The following CNTN4 variants were observed in gnomAD, a reference collection of about 807,000 sequenced individuals.
The protein encoded by CNTN4 is contactin-4.
In CNTN4, 77 loss-of-function variants were observed where a neutral mutation model predicts 122.5. The ratio of observed to expected loss-of-function variants is 0.63; its 90% CI spans 0.52 to 0.76. The LOEUF (loss-of-function observed/expected upper bound fraction) is 0.76, where lower values mean the gene tolerates loss of function less well. CNTN4 is among the 30% of genes least tolerant of loss of function. The pLI, the probability that CNTN4 is intolerant of heterozygous loss-of-function variation, is 0.00. For synonymous variants in CNTN4, 512 were observed against 447.0 expected (o/e 1.15, Z -1.83); for missense variants, 1,256 against 1,259.1 (o/e 1.00, Z 0.04).
At chr3:2,624,597 A>T (rs2082111463) in intron 4 of CNTN4, among the ~76,000 whole-genome samples, 1 of 146,824 alleles carries the variant, frequency 6.8e-6, no homozygotes, top group East Asian at 2.0e-4. Flanking sequence ...TGAGATTAAG[A>T]GTCTTGGCTC....
chr3:2,965,111 G>A (rs780284764), intron 13 of CNTN4, among the ~76,000 whole-genome samples: 2 of 152,098 alleles, frequency 1.3e-5, no homozygotes, highest in African/African-American at 4.8e-5. Flanking sequence ...CATTATCTTA[G>A]GTATCATTTT....
intron 14 of CNTN4, among the ~76,000 whole-genome samples, chr3:3,011,496 C>T (rs536109182): frequency 1.1e-4 from 16 of 152,268 alleles, no homozygotes; most frequent in Admixed American, 2.0e-4. Context: ...TTCTAGGGAT[C>T]GTTTTCAAAC....
intron 5 of CNTN4, among the ~76,000 whole-genome samples, chr3:2,740,703 T>C (rs2089411673): frequency 6.6e-6 from 1 of 152,096 alleles, no homozygotes. Flanking sequence ...AACAAATATA[T>C]ATGTCATAGT....
At chr3:2,326,128 G>T (rs776223253) in intron 2 of CNTN4, among the ~76,000 whole-genome samples, 4 of 152,166 alleles carry the variant, frequency 2.6e-5, no homozygotes, top group African/African-American at 9.7e-5. Context: ...AATAAAGCAG[G>T]TTGCTTTCCC....
intron 4 of CNTN4, among the ~76,000 whole-genome samples, chr3:2,617,570 G>T (rs1221935615): frequency 1.3e-5 from 2 of 151,772 alleles, no homozygotes; most frequent in Non-Finnish European, 2.9e-5. Flanking sequence ...ACAGGCACAC[G>T]CCACCATGAC....
chr3:2,230,773 C>T (rs1575130469), intron 2 of CNTN4, among the ~76,000 whole-genome samples: 1 of 151,902 alleles, frequency 6.6e-6, no homozygotes, highest in African/African-American at 2.4e-5. Context: ...TTGCTTGAGC[C>T]CAGGAGTTCG....
intron 3 of CNTN4, among the ~76,000 whole-genome samples, chr3:2,469,179 C>G (rs918666935): frequency 2.6e-5 from 4 of 152,152 alleles, no homozygotes; most frequent in African/African-American, 9.7e-5. Context: ...TCGCTCTTTA[C>G]TAGATTGAGA....
chr3:2,294,049 A>G (rs2042220950), intron 2 of CNTN4, among the ~76,000 whole-genome samples: 1 of 152,178 alleles, frequency 6.6e-6, no homozygotes, highest in Admixed American at 6.5e-5. Flanking sequence ...CATACATCTT[A>G]TCAGCCAGCC....
At chr3:2,843,641 A>C (rs2093403749) in intron 7 of CNTN4, among the ~76,000 whole-genome samples, 1 of 152,056 alleles carries the variant, frequency 6.6e-6, no homozygotes, top group Non-Finnish European at 1.5e-5. Context: ...GTTTAAAAGT[A>C]TGTGGCACCT....
intron 13 of CNTN4, among the ~76,000 whole-genome samples, chr3:2,974,913 T>C (rs1300081361): frequency 6.6e-6 from 1 of 152,252 alleles, no homozygotes; most frequent in Non-Finnish European, 1.5e-5. Context: ...AAACATTTTT[T>C]GTTTCTGGCA....
chr3:2,449,307 A>G (rs1013705454), intron 3 of CNTN4, among the ~76,000 whole-genome samples: 12 of 152,162 alleles, frequency 7.9e-5, no homozygotes, highest in African/African-American at 2.9e-4. Context: ...TAATACTGCA[A>G]TAAACTTAAG....
chr3:2,316,947 C>T (rs1410999659), intron 2 of CNTN4, among the ~76,000 whole-genome samples: 4 of 152,150 alleles, frequency 2.6e-5, no homozygotes, highest in Admixed American at 6.5e-5. Flanking sequence ...ATATTTCTTC[C>T]TCTAATTTCC....
At chr3:3,026,792 T>C (rs544176983) in intron 15 of CNTN4, among the ~76,000 whole-genome samples, 6 of 152,224 alleles carry the variant, frequency 3.9e-5, no homozygotes, top group South Asian at 4.1e-4. Flanking sequence ...TATCTCCAGG[T>C]AATTTGAATT....
chr3:2,368,389 GTC>G (rs1303672982), intron 3 of CNTN4, among the ~76,000 whole-genome samples: 1 of 152,006 alleles, frequency 6.6e-6, no homozygotes, highest in African/African-American at 2.4e-5. Flanking sequence ...GTTTTAGTTA[GTC>G]TGAGTTTATA....
chr3:2,148,941 A>ACT (rs1324868369), intron 2 of CNTN4, among the ~76,000 whole-genome samples: 7 of 106,314 alleles, frequency 6.6e-5, no homozygotes, highest in Non-Finnish European at 1.2e-4. Context: ...TACTACCGTG[A>ACT]CTGTGTGTGT....
intron 2 of CNTN4, among the ~76,000 whole-genome samples, chr3:2,289,796 T>TA (rs2042068580): frequency 6.6e-6 from 1 of 152,218 alleles, no homozygotes; most frequent in African/African-American, 2.4e-5. Context: ...TTATTCCACT[T>TA]ACTGCATTTC....
At chr3:2,133,208 C>T (rs977856097) in intron 2 of CNTN4, among the ~76,000 whole-genome samples, 1 of 152,132 alleles carries the variant, frequency 6.6e-6, no homozygotes, top group East Asian at 1.9e-4. Context: ...GCTTTAGTTA[C>T]TTCATTTTCT....
At chr3:2,274,605 T>C (rs1274395530) in intron 2 of CNTN4, among the ~76,000 whole-genome samples, 1 of 152,158 alleles carries the variant, frequency 6.6e-6, no homozygotes, top group African/African-American at 2.4e-5. Context: ...TCTCCTTTAT[T>C]AAAGCTGTCT....
chr3:2,418,695 C>T (rs186116764), intron 3 of CNTN4, among the ~76,000 whole-genome samples: 1 of 152,154 alleles, frequency 6.6e-6, no homozygotes, highest in African/African-American at 2.4e-5. Flanking sequence ...AATATTTCAG[C>T]ATTTCTGATA....
Sources: gnomAD v4.1 joint callset for allele counts (sites outside exome capture counted in the v4.1 genomes callset) on GRCh38, gnomAD v4.1.1 for gene constraint, MANE v1.5 for transcripts, NCBI Gene and HGNC (gene_info 2026-07-23, HGNC 2026-07-21) for gene names.